Variants in ADCY3 observed in about 807,000 individuals in gnomAD.
ADCY3 encodes the protein adenylate cyclase type 3.
A neutral mutation model predicts 119.4 loss-of-function variants in ADCY3; 70 were observed. The ratio of observed to expected loss-of-function variants is 0.59; its 90% CI spans 0.48 to 0.72. The LOEUF (loss-of-function observed/expected upper bound fraction) is 0.72. Ranked by LOEUF, ADCY3 falls within the 30% of genes least tolerant of loss-of-function variation. The pLI, the probability that ADCY3 is intolerant of heterozygous loss-of-function variation, is 0.00. For synonymous variants in ADCY3, 672 were observed against 621.4 expected, an observed-to-expected ratio of 1.08 and a Z score of -1.21; for missense variants, 1,238 against 1,541.6, an observed-to-expected ratio of 0.80 and a Z score of 3.30.
chr2:24,918,498 C>T lies in ADCY3; in HGVS notation c.490G>A (p.Ala164Thr), dbSNP rs760416852. Residue 164 changes from alanine to threonine, a missense_variant, in exon 2 of 22, where the codon GCG (alanine) becomes ACG (threonine). Physicochemically the swap from Ala to Thr is moderately conservative, Grantham distance 58 (BLOSUM62 0). Coordinates refer to ENST00000679454, the MANE Select transcript of ADCY3 (RefSeq NM_004036.5). This position sits in a 1 kb window ranked among gnomAD's most constrained non-coding sequence, Gnocchi z 5.4. Reference sequence around the variant, plus strand: ...TGCCAGCCCACCGTGTCACTAGCCGCGTGGGCACGCGCGAAGTTCAGGCCC... The same window carrying T: ...TGCCAGCCCACCGTGTCACTAGCCGTGTGGGCACGCGCGAAGTTCAGGCCC... ...YLGLNFARAH[A>T]ASDTVGWQVF... The T allele has an allele frequency of 1.9e-6, 3 of 1,613,910 alleles. No homozygotes were observed. The highest frequency in any genetic ancestry group is 2.5e-6 in the Non-Finnish European group (3 of 1,179,946).
Position 24,878,548 on chromosome 2 carries a change from G to A in ADCY3, c.676-5829C>T, listed in dbSNP as rs967622342. On this transcript the variant is annotated intron_variant, in intron 2 of 21. Coordinates refer to ENST00000679454, the MANE Select transcript of ADCY3 (RefSeq NM_004036.5). The surrounding 1 kb of genome is among the most constrained non-coding windows in gnomAD (Gnocchi z 4.0). ...CGTGTCGCCCACAGAGACCTATGAC[G>A]TTCTGCGGCTGGAGGCCAGCCGCAC... Among the ~76,000 whole-genome samples the A allele has an allele frequency of 1.3e-5, 2 of 152,164 alleles. No individual in the cohort carries two copies. The highest frequency in any genetic ancestry group is 2.9e-5 in the Non-Finnish European group (2 of 68,024).
At chr2:24,852,115 T>C (rs972909334) in intron 3 of ADCY3, among the ~76,000 whole-genome samples, 3 of 152,080 alleles carry the variant, frequency 2.0e-5, no homozygotes, top group African/African-American at 7.2e-5. Context: ...CTGGACACCC[T>C]CCCCAGGGCT....
intron 3 of ADCY3, among the ~76,000 whole-genome samples, chr2:24,857,991 AT>A (rs56672595): frequency 0.28 from 34,419 of 122,296 alleles, 4,714 homozygotes; most frequent in South Asian, 0.37. Context: ...TGTGGTCTGA[AT>A]TTTTTTTTTT....
chr2:24,844,626 G>A (rs978834312), intron 3 of ADCY3, among the ~76,000 whole-genome samples: 2 of 152,158 alleles, frequency 1.3e-5, no homozygotes, highest in Admixed American at 1.3e-4. Context: ...GTTGTACTTG[G>A]GCCCTCAGCA....
chr2:24,852,797 G>A (rs1360140463), intron 3 of ADCY3, among the ~76,000 whole-genome samples: 4 of 152,232 alleles, frequency 2.6e-5, no homozygotes, highest in Admixed American at 1.3e-4. Context: ...TGGCCGAGCC[G>A]GTGCTGGGAG....
Position 24,840,179 on chromosome 2 carries a change from G to T in ADCY3, c.1197-148C>A, listed in dbSNP as rs1056504760. The stretch of plus-strand genomic sequence containing the variant: ...GGTCCCCACAGCTTGGTGTTGGGTG[G>T]GGGGTAAGGCAGGCCAGGGCCAGCC... On this transcript the variant is annotated intron_variant, in intron 6 of 21. Transcript: ENST00000679454. 7.9e-6 allele frequency: 9 copies of T among 1,135,088 alleles called. No individual in the cohort carries two copies. In the African/African-American group the frequency reaches 9.4e-5, roughly 12 times the overall value. The allele number at this position is 1,135,088 out of a possible 1,614,324, so 70.3% of individuals were successfully genotyped here.
chr2:24,851,320 T>C (rs892687935), intron 3 of ADCY3, among the ~76,000 whole-genome samples: 4 of 152,214 alleles, frequency 2.6e-5, no homozygotes, highest in African/African-American at 9.6e-5. Flanking sequence ...ACGGTCACCC[T>C]GGGCTGGCTT....
Position 24,838,556 on chromosome 2 carries a change from A to G in ADCY3, c.1422T>C (p.Asp474=). The part of the protein sequence containing the change: ...LKGEFDVEPG[D]GGSRCDYLEE... ...CTAGGTAATCACAGCGGCTGCCCCC[A>G]TCGCCTGGCTCCACATCAAACTCCC... Residue 474 remains aspartate, a synonymous_variant, in exon 8 of 22, where the codon GAT becomes GAC. Transcript: ENST00000679454. 3 of 1,614,136 alleles carry G rather than the reference A, an allele frequency of 1.9e-6. No homozygotes were observed. The highest frequency in any genetic ancestry group is 2.5e-6 in the Non-Finnish European group (3 of 1,180,032).
At chr2:24,904,999 C>T (rs896149271) in intron 2 of ADCY3, among the ~76,000 whole-genome samples, 1 of 151,970 alleles carries the variant, frequency 6.6e-6, no homozygotes, top group African/African-American at 2.4e-5. Flanking sequence ...TTTGCTTTTT[C>T]CCTGATTATT....
At chr2:24,889,096 C>T (rs1040660800) in intron 2 of ADCY3, among the ~76,000 whole-genome samples, 5 of 152,238 alleles carry the variant, frequency 3.3e-5, no homozygotes, top group Non-Finnish European at 5.9e-5. Context: ...ACACTATCTT[C>T]AGCTTATAAT....
In ADCY3 at chr2:24,828,154, C is replaced by G; in HGVS notation, c.2180G>C (p.Cys727Ser). 1 of 1,613,494 alleles carries G rather than the reference C, an allele frequency of 6.2e-7. No individual in the cohort carries two copies. The highest frequency in any genetic ancestry group is 1.3e-5 in the African/African-American group (1 of 75,046). ...GCTGGGTCCCGTGTAGTACTGGAGA[C>G]AGCTGAGCTGGAGGCCAGGACGGCG... Reference protein sequence around the residue: ...VMANVVDMLSCLQYYTGPSNA... With the variant: ...VMANVVDMLSSLQYYTGPSNA... The change falls in exon 14 of 22, where the codon TGT (cysteine) becomes TCT (serine). Residue 727 changes from cysteine to serine, a missense_variant. Physicochemically the swap from Cys to Ser is moderately radical, Grantham distance 112 (BLOSUM62 -1). Around this residue, in one of 7 missense-constraint regions of ADCY3, gnomAD observed 499 missense variants for 571.0 expected, o/e 0.87. Coordinates refer to ENST00000679454, the MANE Select transcript of ADCY3 (RefSeq NM_004036.5).
At chr2:24,862,471 G>A (rs898691038) in intron 3 of ADCY3, among the ~76,000 whole-genome samples, 2 of 151,738 alleles carry the variant, frequency 1.3e-5, no homozygotes, top group South Asian at 2.1e-4. Flanking sequence ...GCGTGAACCC[G>A]GAAGGCGGAG....
At chr2:24,891,586 A>C (rs543705162) in intron 2 of ADCY3, among the ~76,000 whole-genome samples, 1 of 152,290 alleles carries the variant, frequency 6.6e-6, no homozygotes, top group Admixed American at 6.5e-5. Context: ...GAAAAGAAAA[A>C]ATTTCTCAAC....
intron 3 of ADCY3, among the ~76,000 whole-genome samples, chr2:24,865,785 A>C (rs1674214999): frequency 6.6e-6 from 1 of 152,220 alleles, no homozygotes; most frequent in South Asian, 2.1e-4. Flanking sequence ...AGCTCTTTAA[A>C]GGCAATGGAA....
chr2:24,913,886 T>C (rs980754920), intron 2 of ADCY3, among the ~76,000 whole-genome samples: 1 of 152,240 alleles, frequency 6.6e-6, no homozygotes, highest in Admixed American at 6.5e-5. Context: ...CTTTCTGCTC[T>C]GAAGTAAGGG....
intron 3 of ADCY3, among the ~76,000 whole-genome samples, chr2:24,865,936 A>C (rs896154465): frequency 1.3e-5 from 2 of 152,144 alleles, no homozygotes; most frequent in African/African-American, 2.4e-5. Flanking sequence ...AGGGCTTTCA[A>C]GGGGCTGGAG....
At chr2:24,829,906 C>T (rs1669228838) in intron 13 of ADCY3, among the ~76,000 whole-genome samples, 2 of 151,512 alleles carry the variant, frequency 1.3e-5, no homozygotes, top group Admixed American at 6.6e-5. Flanking sequence ...TCTGGGCTCC[C>T]AACTCCTGTC....
chr2:24,823,151 A>T, intron 18 of ADCY3, 58 bp downstream of exon 18: 2 of 1,569,438 alleles, frequency 1.3e-6, no homozygotes, highest in Non-Finnish European at 1.7e-6. Context: ...CTATTGTAGG[A>T]TGTGATGTGG....
intron 3 of ADCY3, among the ~76,000 whole-genome samples, chr2:24,865,489 C>CTG (rs3222240): frequency 0.13 from 17,882 of 140,334 alleles, 1,283 homozygotes; most frequent in Middle Eastern, 0.17. Context: ...AGGCTATCAT[C>CTG]TGTGTGTGTG....
Sources: allele counts gnomAD v4.1 joint callset (sites outside exome capture counted in the v4.1 genomes callset), GRCh38; gene constraint gnomAD v4.1.1; regional missense constraint gnomAD v4.1.1; non-coding constraint Gnocchi (gnomAD v3.1); transcripts MANE v1.5; gene names NCBI Gene and HGNC (gene_info 2026-07-23, HGNC 2026-07-21).